PCED1A: variants seen among roughly 807,000 people sequenced by gnomAD.
The protein encoded by PCED1A is PC-esterase domain-containing protein 1A.
PCED1A carries 20 observed loss-of-function variants against 41.9 expected under a neutral mutation model. The ratio of observed to expected loss-of-function variants is 0.48; its 90% confidence interval spans 0.34 to 0.69. PCED1A has a LOEUF of 0.69. PCED1A is among the 30% of genes least tolerant of loss of function. The probability of loss-of-function intolerance (pLI) is 0.01; values close to 1 mark genes in which losing one functional copy is unlikely to be tolerated. For synonymous variants in PCED1A, 236 were observed against 241.3 expected (o/e 0.98, Z 0.20); for missense variants, 498 against 602.1 (o/e 0.83, Z 1.81).
intron 1 of PCED1A, 94 bp from the exon 2 acceptor site, chr20:2,840,027 G>A: frequency 7.6e-7 from 1 of 1,313,526 alleles, no homozygotes; most frequent in East Asian, 2.6e-5. Flanking sequence ...ATGCTAAAGG[G>A]AGGAGGTGAC....
At chr20:2,839,394 C>A in intron 2 of PCED1A, 123 bp from the exon 3 acceptor site, 1 of 888,956 alleles carries the variant, frequency 1.1e-6, no homozygotes, top group African/African-American at 1.7e-5. Flanking sequence ...TTGACTTAGA[C>A]GCAGGAGAAA....
chr20:2,836,581 T>C (rs2088839412), intron 6 of PCED1A, among the ~76,000 whole-genome samples: 1 of 152,176 alleles, frequency 6.6e-6, no homozygotes, highest in Non-Finnish European at 1.5e-5. Flanking sequence ...GTCTTGTATC[T>C]AGCTTTTTCC....
At chr20:2,841,109 C>T (rs1343975469), upstream of PCED1A, 1 of 494,800 alleles carries the variant, frequency 2.0e-6, no homozygotes, top group Admixed American at 3.8e-5. Flanking sequence ...AGGCAGCTCG[C>T]GGGTGACAGC....
Position 2,839,084 on chromosome 20 carries a change from T to TGGGGGGGG in PCED1A, c.205-3_205-2insCCCCCCCC. 1.4e-6 allele frequency: 1 copy of TGGGGGGGG among 725,258 alleles called. No homozygotes were observed. Among genetic ancestry groups the TGGGGGGGG allele is most frequent in the Non-Finnish European group, 1.9e-6 (1 of 522,232 alleles). The allele number at this position is 725,258 out of a possible 1,614,324, so 44.9% of individuals were successfully genotyped here. A position where few individuals can be genotyped will look rare whatever the true frequency, so the allele number is the denominator to read the frequency against. On this transcript the variant is annotated splice_region_variant and splice_polypyrimidine_tract_variant and intron_variant, in intron 3 of 7. Coordinates refer to ENST00000360652, the MANE Select transcript of PCED1A (RefSeq NM_022760.6). ...GTCCTGTTCAAAGCTCAGCTCCCCC[T>TGGGGGGGG]ACCCACCCCCCCCACCCTACTGGTC... is the stretch of plus-strand genomic sequence containing the variant.
In PCED1A at chr20:2,835,708, T is replaced by TC; in HGVS notation, c.1118dup (p.Cys374MetfsTer20). The TC allele has an allele frequency of 1.9e-6, 3 of 1,544,818 alleles. No individual in the cohort carries two copies. The highest frequency in any genetic ancestry group is 2.6e-6 in the Non-Finnish European group (3 of 1,141,446). On this transcript the variant is annotated frameshift_variant and splice_region_variant, in exon 8 of 8. Coordinates refer to ENST00000360652, the MANE Select transcript of PCED1A (RefSeq NM_022760.6). LOFTEE classifies it high-confidence loss of function. Reference sequence around the variant, plus strand: ...GCACAAAGTTCACTCCAGGGCCACATCCTACAAAAGAACCAGTCATTATAA... The same window carrying TC: ...GCACAAAGTTCACTCCAGGGCCACATCCCTACAAAAGAACCAGTCATTATAA...
At position 2,838,581 on chromosome 20, in the gene PCED1A, GC is replaced by G. The variant is rs1420332171; in HGVS notation, c.594+14del. The G allele has an allele frequency of 6.2e-7, 1 of 1,614,054 alleles. No individual in the cohort carries two copies. Among genetic ancestry groups the G allele is most frequent in the African/African-American group, 1.3e-5 (1 of 74,914 alleles). ...GCTATCCCATCTCTTGTCCTGATGG[GC>G]CTCAGTCACTTGCCTCTGGCAGGAG... On this transcript the variant is annotated intron_variant, in intron 5 of 7. Transcript: ENST00000360652. This position sits in a 1 kb window ranked among gnomAD's most constrained non-coding sequence, Gnocchi z 5.8.
chr20:2,837,852 T>G (rs2088861583), intron 6 of PCED1A, among the ~76,000 whole-genome samples: 1 of 152,174 alleles, frequency 6.6e-6, no homozygotes. Context: ...GCTGTGGGCT[T>G]CTTTGCTTCT....
chr20:2,836,235 G>A lies in PCED1A; in HGVS notation c.921C>T (p.His307=), dbSNP rs766884222. ...SHRQTPDFGE[H]LALLPPPPSS... ...AAGGTGGGGGTGGGAGCAAGGCCAG[G>A]TGCTCCCCGAAGTCTGGGGTCTGCC... Residue 307 remains histidine, a synonymous_variant, in exon 7 of 8, where the codon CAC becomes CAT. Transcript: ENST00000360652. 12 of 1,613,918 alleles carry A rather than the reference G, an allele frequency of 7.4e-6. No homozygotes were observed. Among genetic ancestry groups the A allele is most frequent in the South Asian group, 3.3e-5 (3 of 91,088 alleles).
At chr20:2,839,734 CTG>C (rs2088914742) in intron 2 of PCED1A, 53 bp downstream of exon 2, 2 of 1,600,962 alleles carry the variant, frequency 1.2e-6, no homozygotes, top group African/African-American at 2.7e-5. Context: ...TCCAGACACA[CTG>C]AACGGGCTGC....
chr20:2,836,192 T>C lies in PCED1A; in HGVS notation c.964A>G (p.Met322Val). Residue 322 changes from methionine to valine, a missense_variant, in exon 7 of 8, where the codon ATG becomes GTG. By Grantham distance (21) the Met-to-Val change is conservative (BLOSUM62 1). This residue lies in a region of PCED1A where 245 missense variants were observed against 232.4 expected (regional missense o/e 1.05). Coordinates refer to ENST00000360652, the MANE Select transcript of PCED1A (RefSeq NM_022760.6). The part of the protein sequence containing the change: ...PPPPSSLPPP[M>V]PFPYPLPQPS... ...TGAGGAAGCGGGTAGGGAAAAGGCA[T>C]GGGAGGAGGCAAAGAAGAAGGTGGG... is the stretch of plus-strand genomic sequence containing the variant. The C allele has an allele frequency of 6.5e-7, 1 of 1,535,284 alleles. No homozygotes were observed. The highest frequency in any genetic ancestry group is 1.2e-5 in the South Asian group (1 of 86,900).
chr20:2,835,570 C>A lies in PCED1A; in HGVS notation c.1257G>T (p.Arg419=), dbSNP rs1191144618. 23 of 1,614,076 alleles carry A rather than the reference C, an allele frequency of 1.4e-5. No homozygotes were observed. The highest frequency in any genetic ancestry group is 1.9e-5 in the Non-Finnish European group (22 of 1,180,024). ...RYVPNSPYHV[R]RMGGPCRQRL... Reference sequence around the variant, plus strand: ...GCTGCCTGCAGGGCCCCCCCATTCTCCGCACATGGTAGGGGCTGTTAGGAA... The same window carrying A: ...GCTGCCTGCAGGGCCCCCCCATTCTACGCACATGGTAGGGGCTGTTAGGAA... Residue 419 remains arginine, a synonymous_variant, in exon 8 of 8, where the codon CGG becomes CGT. Coordinates refer to ENST00000360652, the MANE Select transcript of PCED1A (RefSeq NM_022760.6).
At chr20:2,840,835 G>GGGCCCCCCCC, upstream of PCED1A, 1 of 1,524,338 alleles carries the variant, frequency 6.6e-7, no homozygotes, top group Non-Finnish European at 8.9e-7. Flanking sequence ...CCGGTGAGCT[G>GGGCCCCCCCC]CCCCGCCCTC....
In PCED1A at chr20:2,840,638, G is replaced by A; in HGVS notation, c.-449C>T. On this transcript the variant is annotated 5_prime_UTR_variant, in exon 1 of 8. Coordinates refer to ENST00000360652, the MANE Select transcript of PCED1A (RefSeq NM_022760.6). ...TGGGGTCTCGGGGCGGCAGCCAAGT[G>A]AGGCTGCCCACAGTGGTGATGGCCG... 3 of 954,396 alleles carry A rather than the reference G, an allele frequency of 3.1e-6. No homozygotes were observed. The highest frequency in any genetic ancestry group is 4.8e-6 in the Non-Finnish European group (3 of 618,990). 59.1% of individuals were successfully genotyped at this position (954,396 alleles called of 1,614,324 possible).
In PCED1A at chr20:2,838,515, C is replaced by T. The variant is rs780528388; in HGVS notation, c.595-37G>A. On this transcript the variant is annotated intron_variant, in intron 5 of 7. Transcript: ENST00000360652. This position sits in a 1 kb window ranked among gnomAD's most constrained non-coding sequence, Gnocchi z 5.8. ...AGTGCAGCCTCTAAGAGCCACAGAA[C>T]GCAGCAGGGTCTGAAAGCAGGGTGT... 25 of 1,613,882 alleles carry T rather than the reference C, an allele frequency of 1.5e-5. No individual in the cohort carries two copies. The highest frequency in any genetic ancestry group is 1.6e-4 in the Middle Eastern group (1 of 6,084).
intron 2 of PCED1A, 84 bp from the exon 3 acceptor site, chr20:2,839,355 G>T: frequency 7.6e-7 from 1 of 1,310,556 alleles, no homozygotes; most frequent in Non-Finnish European, 1.1e-6. Context: ...ATTTTCCCAG[G>T]GCTGAGGTGC....
rs1307385648 is a variant in PCED1A at position 2,835,542 on chromosome 20, G to T, written c.1285C>A (p.Leu429Ile). Residue 429 changes from leucine to isoleucine, a missense_variant, in exon 8 of 8, where the codon CTC becomes ATC. Leu to Ile is a conservative substitution (Grantham distance 5). Around this residue, in one of 2 missense-constraint regions of PCED1A, gnomAD observed 245 missense variants for 232.4 expected, o/e 1.05. Coordinates refer to ENST00000360652, the MANE Select transcript of PCED1A (RefSeq NM_022760.6). ...TGGATCAGTCTCTCTGAGTGTCTGA[G>T]CCGCTGCCTGCAGGGCCCCCCCATT... ...RRMGGPCRQR[L>I]RHSERLIHTY... 2 of 1,613,986 alleles carry T rather than the reference G, an allele frequency of 1.2e-6. No homozygotes were observed. The highest frequency in any genetic ancestry group is 2.2e-5 in the East Asian group (1 of 44,880).
rs2088886165 is a variant in PCED1A at position 2,838,844 on chromosome 20, C to A, written c.443G>T (p.Arg148Ile). 1 of 1,614,072 alleles carries A rather than the reference C, an allele frequency of 6.2e-7. No homozygotes were observed. Among genetic ancestry groups the A allele is most frequent in the Non-Finnish European group, 8.5e-7 (1 of 1,180,046 alleles). The stretch of plus-strand genomic sequence containing the variant: ...GTATTCCCCTTTCCCTCGCCCCAAC[C>A]TGGAGAGATCCCAGAGGCAGGAGTT... ...IINSCLWDLS[R>I]YGRCSMESYR... Residue 148 changes from arginine (R) to isoleucine (I), a missense_variant and splice_region_variant, in exon 4 of 8, where the codon AGA (arginine) becomes ATA (isoleucine). By Grantham distance (97) the Arg-to-Ile change is moderately conservative. This residue lies in a region of PCED1A where 253 missense variants were observed against 369.7 expected (regional missense o/e 0.68). Transcript: ENST00000360652. The surrounding 1 kb of genome is among the most constrained non-coding windows in gnomAD (Gnocchi z 5.8).
chr20:2,839,458 G>A (rs1259472303), intron 2 of PCED1A, among the ~76,000 whole-genome samples, 187 bp from the exon 3 acceptor site: 1 of 152,220 alleles, frequency 6.6e-6, no homozygotes, highest in African/African-American at 2.4e-5. Context: ...CTCCTGGCCA[G>A]CAGTATACAG....
At position 2,840,337 on chromosome 20, in the gene PCED1A, A is replaced by C; in HGVS notation, c.-148T>G. On this transcript the variant is annotated 5_prime_UTR_variant, in exon 1 of 8. Coordinates refer to ENST00000360652, the MANE Select transcript of PCED1A (RefSeq NM_022760.6). ...CCCCAGTCGGCCAGTCGGTTCTGCA[A>C]AGCTCCCGCCCCGCAGAGACCGTGG... The C allele has an allele frequency of 3.8e-6, 1 of 262,510 alleles. No individual in the cohort carries two copies. Among genetic ancestry groups the C allele is most frequent in the Non-Finnish European group, 7.3e-6 (1 of 137,224 alleles). The allele number at this position is 262,510 out of a possible 1,614,324, so 16.3% of individuals were successfully genotyped here. A position where few individuals can be genotyped will look rare whatever the true frequency, so the allele number is the denominator to read the frequency against.
Sources: gnomAD v4.1 joint callset for allele counts (sites outside exome capture counted in the v4.1 genomes callset) on GRCh38, gnomAD v4.1.1 for gene constraint, gnomAD v4.1.1 regional missense constraint, Gnocchi (gnomAD v3.1) non-coding constraint, MANE v1.5 for transcripts, NCBI Gene and HGNC (gene_info 2026-07-23, HGNC 2026-07-21) for gene names.